Variants in ADGRB3 observed in about 807,000 individuals in gnomAD.
The protein encoded by ADGRB3 is brain-specific angiogenesis inhibitor 3.
Under a neutral mutation model 193.4 loss-of-function variants are expected in ADGRB3, and 37 were observed. The observed-to-expected ratio is 0.19, with a 90% CI of 0.15 to 0.25. ADGRB3 has a LOEUF of 0.25. ADGRB3 is among the 10% of genes least tolerant of loss of function. The pLI, the probability that ADGRB3 is intolerant of heterozygous loss-of-function variation, is 1.00. For synonymous variants in ADGRB3, 690 were observed against 644.2 expected, an observed-to-expected ratio of 1.07 and a Z score of -1.08; for missense variants, 1,637 against 1,852.9, an observed-to-expected ratio of 0.88 and a Z score of 2.14.
Position 68,938,418 on chromosome 6 carries a change from T to A in ADGRB3, c.1030+1738T>A, listed in dbSNP as rs188721876. On this transcript the variant is annotated intron_variant, in intron 5 of 31. Coordinates refer to ENST00000370598, the MANE Select transcript of ADGRB3 (RefSeq NM_001704.3). ...GGCAGGTAACATGTATGTTTTTATC[T>A]TGTATAACATGATATTTTGAGGTAT... Among the ~76,000 whole-genome samples the A allele has an allele frequency of 2.1e-4, 29 of 140,650 alleles. No individual in the cohort carries two copies. The East Asian group carries it at 5.8e-3, about 28-fold the overall frequency. 92.3% of individuals were successfully genotyped at this position (140,650 alleles called of 152,430 possible).
intron 13 of ADGRB3, among the ~76,000 whole-genome samples, chr6:69,037,547 T>C (rs1290356918): frequency 6.6e-6 from 1 of 152,180 alleles, no homozygotes; most frequent in Non-Finnish European, 1.5e-5. Context: ...CCAATGGCTG[T>C]TCTTCATTCT....
At chr6:69,156,065 A>T (rs570866005) in intron 17 of ADGRB3, among the ~76,000 whole-genome samples, 12 of 152,296 alleles carry the variant, frequency 7.9e-5, no homozygotes, top group African/African-American at 2.9e-4. Flanking sequence ...AAAATATTTA[A>T]TTGAGAACCT....
chr6:68,786,345 G>C (rs1421843606), intron 3 of ADGRB3, among the ~76,000 whole-genome samples: 1 of 152,112 alleles, frequency 6.6e-6, no homozygotes, highest in Non-Finnish European at 1.5e-5. Flanking sequence ...GTGTAAAGAA[G>C]GGATCCAGTT....
intron 3 of ADGRB3, among the ~76,000 whole-genome samples, chr6:68,879,775 C>A (rs1344391359): frequency 6.6e-6 from 1 of 152,098 alleles, no homozygotes; most frequent in Non-Finnish European, 1.5e-5. Context: ...TTGCTTAGAT[C>A]CCAGTTCCAA....
At chr6:69,064,102 A>G (rs1433031761) in intron 16 of ADGRB3, among the ~76,000 whole-genome samples, 1 of 151,928 alleles carries the variant, frequency 6.6e-6, no homozygotes, top group Non-Finnish European at 1.5e-5. Flanking sequence ...ATTTTCTACT[A>G]TTGTGTAGTT....
At chr6:68,749,406 ATATGTGTGTGTGTG>A (rs889134595) in intron 3 of ADGRB3, among the ~76,000 whole-genome samples, 6 of 101,072 alleles carry the variant, frequency 5.9e-5, no homozygotes, top group African/African-American at 2.4e-4. Context: ...ATATATATAT[ATATGTGTGTGTGTG>A]TGTGTGTGTG....
chr6:68,731,235 C>T (rs75817341), intron 3 of ADGRB3, among the ~76,000 whole-genome samples: 3,356 of 151,234 alleles, frequency 0.022, 65 homozygotes, highest in South Asian at 0.07. Context: ...GAATGTTTAC[C>T]TATAGATATC....
chr6:68,995,933 A>G (rs1769371891), intron 11 of ADGRB3, among the ~76,000 whole-genome samples: 1 of 152,118 alleles, frequency 6.6e-6, no homozygotes, highest in Non-Finnish European at 1.5e-5. Flanking sequence ...CCACAATTTT[A>G]TACAAAGAAT....
At position 69,296,593 on chromosome 6, in the gene ADGRB3, G is replaced by A. The variant is rs1407269; in HGVS notation, c.2815-28279G>A. 1.8e-4 allele frequency among the ~76,000 whole-genome samples: 28 copies of A among 152,096 alleles called. No individual in the cohort carries two copies. In the East Asian group the frequency reaches 1.9e-3, roughly 11 times the overall value. On this transcript the variant is annotated intron_variant, in intron 20 of 31. Coordinates refer to ENST00000370598, the MANE Select transcript of ADGRB3 (RefSeq NM_001704.3). ...AAACGCATTATCTGAAAATTACTCC[G>A]TATAAAGTGAATAGTCATGTTCTCA...
intron 17 of ADGRB3, among the ~76,000 whole-genome samples, chr6:69,096,547 A>G (rs1772883534): frequency 6.6e-6 from 1 of 152,102 alleles, no homozygotes; most frequent in South Asian, 2.1e-4. Flanking sequence ...CCTATTTTTA[A>G]AAGTGTCTAA....
At chr6:69,082,362 C>G (rs1222312976) in intron 17 of ADGRB3, among the ~76,000 whole-genome samples, 1 of 151,996 alleles carries the variant, frequency 6.6e-6, no homozygotes, top group Non-Finnish European at 1.5e-5. Context: ...TCTGGAAATT[C>G]TCTCACTTTT....
At chr6:68,684,471 C>G (rs1764948626) in intron 3 of ADGRB3, among the ~76,000 whole-genome samples, 1 of 152,072 alleles carries the variant, frequency 6.6e-6, no homozygotes, top group Non-Finnish European at 1.5e-5. Flanking sequence ...TTAGACAACA[C>G]TTAAAAAATA....
intron 17 of ADGRB3, among the ~76,000 whole-genome samples, chr6:69,214,086 T>G (rs1419850925): frequency 6.6e-6 from 1 of 151,956 alleles, no homozygotes; most frequent in Non-Finnish European, 1.5e-5. Flanking sequence ...TAAGGAAAGT[T>G]TTACAGAGAA....
intron 3 of ADGRB3, among the ~76,000 whole-genome samples, chr6:68,712,409 T>G (rs1765421542): frequency 6.6e-6 from 1 of 152,042 alleles, no homozygotes; most frequent in Non-Finnish European, 1.5e-5. Context: ...AACACTAGAA[T>G]GCAAATGTGA....
intron 3 of ADGRB3, among the ~76,000 whole-genome samples, chr6:68,906,526 G>C (rs1354004397): frequency 6.6e-6 from 1 of 151,910 alleles, no homozygotes; most frequent in East Asian, 1.9e-4. Flanking sequence ...GTCAAAGAAT[G>C]TTGGAAATTT....
intron 17 of ADGRB3, among the ~76,000 whole-genome samples, chr6:69,177,621 C>T (rs1359430550): frequency 6.6e-6 from 1 of 152,192 alleles, no homozygotes; most frequent in Admixed American, 6.5e-5. Context: ...GCTGGGATTA[C>T]AGGTGTGAGC....
chr6:69,228,376 CAT>C (rs1766063193), intron 17 of ADGRB3, among the ~76,000 whole-genome samples: 2 of 152,172 alleles, frequency 1.3e-5, no homozygotes, highest in African/African-American at 4.8e-5. Context: ...CTAGTATTCT[CAT>C]ATGGCATGTA....
At chr6:68,812,828 C>T (rs1033747089) in intron 3 of ADGRB3, among the ~76,000 whole-genome samples, 3 of 151,730 alleles carry the variant, frequency 2.0e-5, no homozygotes, top group Admixed American at 6.6e-5. Flanking sequence ...TCCCCTAGCC[C>T]CCCAACCCCC....
intron 3 of ADGRB3, among the ~76,000 whole-genome samples, chr6:68,868,167 G>A (rs2150218135): frequency 6.6e-6 from 1 of 152,174 alleles, no homozygotes; most frequent in East Asian, 1.9e-4. Flanking sequence ...TGTCAGGGAA[G>A]GGACATGGTA....
Sources: gnomAD v4.1 joint callset for allele counts (sites outside exome capture counted in the v4.1 genomes callset) on GRCh38, gnomAD v4.1.1 for gene constraint, MANE v1.5 for transcripts, NCBI Gene and HGNC (gene_info 2026-07-23, HGNC 2026-07-21) for gene names.